Variants in CEP128 observed in about 807,000 individuals in gnomAD.
The protein encoded by CEP128 is centrosomal protein 128.
In CEP128, 132 loss-of-function variants were observed where a neutral mutation model predicts 156.7. The ratio of observed to expected loss-of-function variants is 0.84; its 90% confidence interval spans 0.73 to 0.97. The LOEUF (loss-of-function observed/expected upper bound fraction) is 0.97. Ranked by LOEUF, CEP128 falls within the 50% of genes least tolerant of loss-of-function variation. The pLI, the probability that CEP128 is intolerant of heterozygous loss-of-function variation, is 0.00. For synonymous variants in CEP128, 469 were observed against 448.9 expected (o/e 1.04, Z -0.57); for missense variants, 1,252 against 1,281.9 (o/e 0.98, Z 0.36).
intron 19 of CEP128, among the ~76,000 whole-genome samples, chr14:80,641,693 T>A (rs1219422882): frequency 6.6e-6 from 1 of 152,110 alleles, no homozygotes; most frequent in Non-Finnish European, 1.5e-5. Context: ...AAAAAAGGAT[T>A]TTTTTCTCCT....
chr14:80,732,251 C>T (rs1898306916), intron 19 of CEP128, among the ~76,000 whole-genome samples: 1 of 152,022 alleles, frequency 6.6e-6, no homozygotes. Context: ...AAAGTTTTAA[C>T]TGCAATGGAG....
In CEP128 at chr14:80,862,854, C is replaced by A. The variant is rs114668642; in HGVS notation, c.665G>T (p.Arg222Leu). Reference sequence around the variant, plus strand: ...CTCTCTCTCCAGTTCCTGAAGCCGCCGCTCCACCCGATCTGAAACCTTAAT... The same window carrying A: ...CTCTCTCTCCAGTTCCTGAAGCCGCAGCTCCACCCGATCTGAAACCTTAAT... ...KQEVVSDRVE[R>L]RLQELEREMR... is the part of the protein sequence containing the mutation. The change falls in exon 9 of 25, where the codon CGG becomes CTG. Residue 222 changes from arginine to leucine, a missense_variant. By Grantham distance (102) the Arg-to-Leu change is moderately radical. Coordinates refer to ENST00000555265, the MANE Select transcript of CEP128 (RefSeq NM_152446.5). The A allele has an allele frequency of 6.2e-7, 1 of 1,613,542 alleles. No individual in the cohort carries two copies.
chr14:80,845,726 T>C (rs1886566315), intron 9 of CEP128, among the ~76,000 whole-genome samples: 1 of 152,182 alleles, frequency 6.6e-6, no homozygotes, highest in Non-Finnish European at 1.5e-5. Context: ...CACTATTTTC[T>C]AATAAAAATA....
chr14:80,586,461 G>C (rs983536370), intron 19 of CEP128, among the ~76,000 whole-genome samples: 10 of 152,200 alleles, frequency 6.6e-5, no homozygotes, highest in African/African-American at 2.4e-4. Context: ...TTTTGAATTG[G>C]ACCAGGGTCC....
At chr14:80,864,853 A>G (rs371212907) in intron 8 of CEP128, among the ~76,000 whole-genome samples, 37 of 152,310 alleles carry the variant, frequency 2.4e-4, no homozygotes, top group African/African-American at 7.5e-4. Flanking sequence ...CACCATGCCC[A>G]GCCTTTGATT....
intron 19 of CEP128, among the ~76,000 whole-genome samples, chr14:80,738,014 A>G (rs1054704740): frequency 6.6e-6 from 1 of 152,198 alleles, no homozygotes; most frequent in Non-Finnish European, 1.5e-5. Flanking sequence ...ACACTCCAAT[A>G]TGGAATAGAA....
intron 19 of CEP128, among the ~76,000 whole-genome samples, chr14:80,724,158 A>C (rs1025505773): frequency 5.9e-5 from 9 of 152,318 alleles, no homozygotes; most frequent in Middle Eastern, 3.4e-3. Flanking sequence ...CTCAGGAACC[A>C]TGTGCTCACA....
intron 19 of CEP128, among the ~76,000 whole-genome samples, chr14:80,672,162 T>C (rs1198749696): frequency 6.6e-6 from 1 of 152,074 alleles, no homozygotes; most frequent in Non-Finnish European, 1.5e-5. Context: ...TAAACAAATC[T>C]ATACAATTCA....
intron 10 of CEP128, among the ~76,000 whole-genome samples, chr14:80,839,874 A>C (rs1886268190): frequency 6.6e-6 from 1 of 152,158 alleles, no homozygotes; most frequent in African/African-American, 2.4e-5. Flanking sequence ...AGAGTGAAGA[A>C]ATCATACTTG....
intron 8 of CEP128, 92 bp downstream of exon 8, chr14:80,895,626 G>A: frequency 1.2e-6 from 1 of 815,110 alleles, no homozygotes; most frequent in Non-Finnish European, 1.9e-6. Context: ...CCACCCAAAA[G>A]GTTAAACTCT....
At chr14:80,830,199 G>A (rs1328205830) in intron 13 of CEP128, 1 of 617,494 alleles carries the variant, frequency 1.6e-6, no homozygotes. Flanking sequence ...ACATGTAGAG[G>A]GCTTTGTAAA....
intron 4 of CEP128, among the ~76,000 whole-genome samples, chr14:80,908,543 A>G (rs144514147): frequency 2.4e-4 from 37 of 152,188 alleles, no homozygotes; most frequent in African/African-American, 7.5e-4. Context: ...GGTGCCTTTT[A>G]GTTTTCAATT....
chr14:80,938,030 G>C (rs1885913728), intron 2 of CEP128, among the ~76,000 whole-genome samples: 1 of 151,886 alleles, frequency 6.6e-6, no homozygotes, highest in African/African-American at 2.4e-5. Context: ...CCGAGTAGCA[G>C]GGACCAAAGG....
chr14:80,648,412 T>C (rs1228965119), intron 19 of CEP128, among the ~76,000 whole-genome samples: 1 of 152,134 alleles, frequency 6.6e-6, no homozygotes, highest in Non-Finnish European at 1.5e-5. Context: ...GCCTAAACTA[T>C]GGTTTTCAGT....
chr14:80,806,968 G>A (rs1446762611), intron 13 of CEP128, among the ~76,000 whole-genome samples: 1 of 152,082 alleles, frequency 6.6e-6, no homozygotes, highest in Non-Finnish European at 1.5e-5. Context: ...GCACTTGGAA[G>A]AAAGCAATTT....
chr14:80,783,857 T>C (rs545785606), intron 15 of CEP128, among the ~76,000 whole-genome samples: 3 of 152,262 alleles, frequency 2.0e-5, no homozygotes, highest in East Asian at 1.9e-4. Flanking sequence ...TAATGAAATA[T>C]AGTAAGGGTC....
chr14:80,804,658 C>CAT (rs894528026), intron 13 of CEP128, among the ~76,000 whole-genome samples: 5 of 151,726 alleles, frequency 3.3e-5, no homozygotes, highest in African/African-American at 7.3e-5. Flanking sequence ...CATATATATA[C>CAT]ATATATATAT....
intron 24 of CEP128, among the ~76,000 whole-genome samples, chr14:80,499,397 AAG>A (rs1887636992): frequency 6.6e-6 from 1 of 152,258 alleles, no homozygotes; most frequent in Non-Finnish European, 1.5e-5. Context: ...AAACTGAGGT[AAG>A]AAAGTGAAAT....
chr14:80,617,737 T>TCGGAGACCAGCCTGGGCAACATG (rs1369404350), intron 19 of CEP128, among the ~76,000 whole-genome samples: 1 of 151,180 alleles, frequency 6.6e-6, no homozygotes, highest in Non-Finnish European at 1.5e-5. Context: ...AGCCCAGGAG[T>TCGGAGACCAGCCTGGGCAACATG]CGGAGACCAG....
Sources: allele counts gnomAD v4.1 joint callset (sites outside exome capture counted in the v4.1 genomes callset), GRCh38; gene constraint gnomAD v4.1.1; transcripts MANE v1.5; gene names NCBI Gene and HGNC (gene_info 2026-07-23, HGNC 2026-07-21).